The following LUZP2 variants were observed in gnomAD, a reference collection of about 807,000 sequenced individuals.
LUZP2 encodes the protein leucine zipper protein 2.
In LUZP2, 52 loss-of-function variants were observed where a neutral mutation model predicts 51.6. That is an observed-to-expected ratio of 1.01 (90% CI 0.81 to 1.27). LUZP2 has a LOEUF of 1.27. LUZP2 is among the 50% of genes most tolerant of loss of function. LUZP2 has a pLI of 0.00. For missense variants in LUZP2, 436 were observed against 395.4 expected (o/e 1.10, Z -0.87); for synonymous variants, 154 against 137.3 (o/e 1.12, Z -0.85).
rs746380075 is a variant in LUZP2 at position 24,521,503 on chromosome 11, C to G, written c.62+24198C>G. ...TCTTAGGGAGAAAAATTTTAAAGGC[C>G]TAGCATTTCAAGGTAAGGAAGAAAA... On this transcript the variant is annotated intron_variant, in intron 1 of 11. Transcript: ENST00000336930. Among the ~76,000 whole-genome samples, 6 of 152,000 alleles carry G rather than the reference C, an allele frequency of 3.9e-5. No individual in the cohort carries two copies. In the East Asian group the frequency reaches 1.2e-3, roughly 30 times the overall value.
chr11:24,970,850 A>G (rs1231540312), intron 7 of LUZP2, among the ~76,000 whole-genome samples: 2 of 152,194 alleles, frequency 1.3e-5, no homozygotes, highest in Admixed American at 6.6e-5. Flanking sequence ...ACCAAGCTCC[A>G]GCTTTTTATG....
chr11:24,804,306 A>G (rs1013775904), intron 5 of LUZP2, among the ~76,000 whole-genome samples: 1 of 152,152 alleles, frequency 6.6e-6, no homozygotes, highest in African/African-American at 2.4e-5. Context: ...TAGTTACTCC[A>G]TCAAAGGTAG....
At chr11:24,736,388 T>A (rs1858937832) in intron 3 of LUZP2, among the ~76,000 whole-genome samples, 1 of 152,014 alleles carries the variant, frequency 6.6e-6, no homozygotes, top group Admixed American at 6.6e-5. Context: ...TAATTATAAC[T>A]TTATTTTCAG....
At chr11:24,738,147 C>A in intron 3 of LUZP2, 74 bp from the exon 4 acceptor site, 1 of 1,059,072 alleles carries the variant, frequency 9.4e-7, no homozygotes, top group Non-Finnish European at 1.4e-6. Context: ...AAAGCTCCTT[C>A]CTTTTATAAT....
At chr11:24,577,554 A>T (rs1463593527) in intron 1 of LUZP2, among the ~76,000 whole-genome samples, 1 of 152,160 alleles carries the variant, frequency 6.6e-6, no homozygotes, top group Non-Finnish European at 1.5e-5. Context: ...GAATTAAATT[A>T]TCAAGTATCT....
At chr11:24,670,738 C>A (rs1159484970) in intron 1 of LUZP2, among the ~76,000 whole-genome samples, 3 of 151,718 alleles carry the variant, frequency 2.0e-5, no homozygotes, top group Non-Finnish European at 4.4e-5. Flanking sequence ...TTTAGATTTT[C>A]TTTTATTTCA....
intron 7 of LUZP2, among the ~76,000 whole-genome samples, chr11:24,934,892 T>C (rs1854547072): frequency 1.3e-5 from 2 of 152,230 alleles, no homozygotes; most frequent in Admixed American, 6.5e-5. Context: ...TTTAAATATT[T>C]AGCCTGTGGC....
chr11:24,597,825 C>T lies in LUZP2; in HGVS notation c.62+100520C>T, dbSNP rs549643275. Among the ~76,000 whole-genome samples the T allele has an allele frequency of 2.0e-5, 3 of 152,234 alleles. No homozygotes were observed. In the East Asian group the frequency reaches 5.8e-4, roughly 29 times the overall value. On this transcript the variant is annotated intron_variant, in intron 1 of 11. Transcript: ENST00000336930. ...CACATAGAAGATACTCATCACCAGCCACCATGGCTTATATGCCTGTAATCC... is the reference window on the plus strand; with the variant it reads ...CACATAGAAGATACTCATCACCAGCTACCATGGCTTATATGCCTGTAATCC...
chr11:24,556,603 A>G (rs1422578849), intron 1 of LUZP2, among the ~76,000 whole-genome samples: 1 of 152,192 alleles, frequency 6.6e-6, no homozygotes, highest in Admixed American at 6.5e-5. Flanking sequence ...GTCCTTCCAG[A>G]AAGGTAGAAG....
chr11:25,043,360 T>A (rs1360977506), intron 9 of LUZP2, among the ~76,000 whole-genome samples: 1 of 152,036 alleles, frequency 6.6e-6, no homozygotes, highest in Non-Finnish European at 1.5e-5. Flanking sequence ...AATCCACACC[T>A]CCCTAGAGTA....
intron 5 of LUZP2, among the ~76,000 whole-genome samples, chr11:24,791,265 T>A (rs949441829): frequency 6.6e-6 from 1 of 152,246 alleles, no homozygotes; most frequent in Non-Finnish European, 1.5e-5. Flanking sequence ...ATTTTCATTA[T>A]TGTTAATATT....
intron 10 of LUZP2, among the ~76,000 whole-genome samples, chr11:25,054,492 G>A (rs903576578): frequency 1.3e-5 from 2 of 151,964 alleles, no homozygotes; most frequent in African/African-American, 2.4e-5. Flanking sequence ...TTTTGTGTGT[G>A]TCTGTGGATG....
chr11:24,819,157 A>T (rs983284090), intron 5 of LUZP2, among the ~76,000 whole-genome samples: 1 of 152,126 alleles, frequency 6.6e-6, no homozygotes, highest in Non-Finnish European at 1.5e-5. Flanking sequence ...GGAGGCAAAT[A>T]TAATGGGAAG....
At chr11:24,521,083 G>A (rs913651673) in intron 1 of LUZP2, among the ~76,000 whole-genome samples, 1 of 152,196 alleles carries the variant, frequency 6.6e-6, no homozygotes, top group African/African-American at 2.4e-5. Context: ...GGGCGTGGTG[G>A]CTCACGCCTG....
chr11:25,069,640 A>T (rs552891996), intron 10 of LUZP2, among the ~76,000 whole-genome samples: 1 of 151,882 alleles, frequency 6.6e-6, no homozygotes, highest in Non-Finnish European at 1.5e-5. Context: ...AAGTTAACAA[A>T]AGGAAAATAA....
chr11:25,040,954 C>T (rs1405035612), intron 9 of LUZP2, among the ~76,000 whole-genome samples: 2 of 152,106 alleles, frequency 1.3e-5, no homozygotes. Context: ...TGGTACCCAT[C>T]ATTTCTCACT....
intron 1 of LUZP2, among the ~76,000 whole-genome samples, chr11:24,672,226 C>T (rs1856421937): frequency 1.3e-5 from 2 of 152,188 alleles, no homozygotes; most frequent in South Asian, 2.1e-4. Flanking sequence ...TCTACTGAAA[C>T]ATTTAGTTTC....
intron 7 of LUZP2, among the ~76,000 whole-genome samples, chr11:24,928,481 G>T (rs1157133843): frequency 6.6e-6 from 1 of 151,930 alleles, no homozygotes; most frequent in Non-Finnish European, 1.5e-5. Context: ...TGTCTATTAA[G>T]GTGATCATGT....
chr11:24,941,600 G>A (rs1854748197), intron 7 of LUZP2, among the ~76,000 whole-genome samples: 1 of 152,124 alleles, frequency 6.6e-6, no homozygotes, highest in Non-Finnish European at 1.5e-5. Context: ...TAGATAGTTA[G>A]AAACTTTGAG....
Sources: allele counts gnomAD v4.1 joint callset (sites outside exome capture counted in the v4.1 genomes callset), GRCh38; gene constraint gnomAD v4.1.1; transcripts MANE v1.5; gene names NCBI Gene and HGNC (gene_info 2026-07-23, HGNC 2026-07-21).